KALRN: variants seen among roughly 807,000 people sequenced by gnomAD.
KALRN encodes the protein kalirin.
A neutral mutation model predicts 353.7 loss-of-function variants in KALRN; 70 were observed. That is an observed-to-expected ratio of 0.20 (90% CI 0.16 to 0.24). The LOEUF (loss-of-function observed/expected upper bound fraction) is 0.24, where lower values mean the gene tolerates loss of function less well. Ranked by LOEUF, KALRN falls within the 10% of genes least tolerant of loss-of-function variation. KALRN has a pLI of 1.00. For synonymous variants in KALRN, 1,391 were observed against 1,434.8 expected (o/e 0.97, Z 0.69); for missense variants, 2,791 against 3,756.7 (o/e 0.74, Z 6.72).
chr3:124,619,485 T>C (rs1163537927), intron 34 of KALRN, among the ~76,000 whole-genome samples: 74 of 75,046 alleles, frequency 9.9e-4, no homozygotes, highest in Admixed American at 3.6e-3. Context: ...TTTCCTTCTT[T>C]TTTTTTTTTT....
chr3:124,587,894 T>C (rs1304120793), intron 34 of KALRN, among the ~76,000 whole-genome samples: 1 of 134,726 alleles, frequency 7.4e-6, no homozygotes, highest in East Asian at 2.0e-4. Context: ...AAGGTCTCAC[T>C]ATGTTGCCAG....
At chr3:124,236,849 G>C (rs935594288) in intron 3 of KALRN, among the ~76,000 whole-genome samples, 1 of 152,212 alleles carries the variant, frequency 6.6e-6, no homozygotes, top group South Asian at 2.1e-4. Context: ...TGCTTCTCAG[G>C]GGGTGGTCAC....
chr3:124,661,111 C>T, intron 44 of KALRN, 138 bp downstream of exon 44: 1 of 687,452 alleles, frequency 1.5e-6, no homozygotes, highest in Non-Finnish European at 2.6e-6. Context: ...TTGTAAACAG[C>T]TTTGTACCTG....
intron 21 of KALRN, among the ~76,000 whole-genome samples, chr3:124,451,450 A>T (rs145710459): frequency 3.9e-5 from 6 of 152,318 alleles, no homozygotes; most frequent in Non-Finnish European, 5.9e-5. Context: ...TTCCAGGCCC[A>T]GATGAATTAT....
chr3:124,598,112 A>G (rs944972185), intron 34 of KALRN, among the ~76,000 whole-genome samples: 2 of 152,224 alleles, frequency 1.3e-5, no homozygotes, highest in Non-Finnish European at 2.9e-5. Context: ...TTGATTCCAC[A>G]GAAATCTGTC....
At chr3:124,277,226 A>C (rs2074836746) in intron 5 of KALRN, among the ~76,000 whole-genome samples, 1 of 152,192 alleles carries the variant, frequency 6.6e-6, no homozygotes, top group South Asian at 2.1e-4. Flanking sequence ...GGAGGCTTCA[A>C]AGAGCTGTGA....
At chr3:124,575,111 T>C (rs2073960220) in intron 34 of KALRN, among the ~76,000 whole-genome samples, 1 of 152,246 alleles carries the variant, frequency 6.6e-6, no homozygotes, top group Non-Finnish European at 1.5e-5. Context: ...CTCTGCCCTA[T>C]GGGCAGTTAC....
intron 38 of KALRN, among the ~76,000 whole-genome samples, chr3:124,655,045 C>A (rs1346733921): frequency 2.0e-5 from 3 of 152,242 alleles, no homozygotes; most frequent in African/African-American, 7.2e-5. Context: ...GTTTTCCAGG[C>A]CAGTTACCAT....
intron 11 of KALRN, among the ~76,000 whole-genome samples, chr3:124,385,645 G>A (rs948564976): frequency 6.6e-6 from 1 of 152,156 alleles, no homozygotes; most frequent in Non-Finnish European, 1.5e-5. Context: ...AAGGAAGCTG[G>A]CTGGGCTTGA....
chr3:124,658,588 AC>A, intron 42 of KALRN, 71 bp downstream of exon 42: 1 of 1,127,698 alleles, frequency 8.9e-7, no homozygotes, highest in Non-Finnish European at 1.4e-6. Flanking sequence ...TTTCAGAAAT[AC>A]CAGACGTCAT....
At position 124,726,056 on chromosome 3, in the gene KALRN, T is replaced by G. The variant is rs999037237; in HGVS notation, c.*6586T>G. The G allele has an allele frequency of 6.6e-6, 1 of 152,394 alleles. No homozygotes were observed. Among genetic ancestry groups the G allele is most frequent in the African/African-American group, 2.4e-5 (1 of 41,598 alleles). The allele number at this position is 152,394 out of a possible 1,614,324, so 9.4% of individuals were successfully genotyped here. A position where few individuals can be genotyped will look rare whatever the true frequency, so the allele number is the denominator to read the frequency against. Reference sequence around the variant, plus strand: ...TAATTATTTCAGTGTCTTGCTGGTCTGCCTTAAGTGTATCTTCTGGGTTTT... The same window carrying G: ...TAATTATTTCAGTGTCTTGCTGGTCGGCCTTAAGTGTATCTTCTGGGTTTT... On this transcript the variant is annotated 3_prime_UTR_variant, in exon 60 of 60. Transcript: ENST00000682506.
intron 57 of KALRN, 139 bp downstream of exon 57, chr3:124,702,255 C>A (rs1455668699): frequency 2.0e-6 from 1 of 512,764 alleles, no homozygotes; most frequent in African/African-American, 1.9e-5. Flanking sequence ...CTAAAATATT[C>A]GTTTGTATTT....
At chr3:124,363,115 A>C (rs2084246401) in intron 10 of KALRN, among the ~76,000 whole-genome samples, 1 of 152,190 alleles carries the variant, frequency 6.6e-6, no homozygotes, top group African/African-American at 2.4e-5. Flanking sequence ...ATAAATTTTA[A>C]AAAAATTATA....
intron 1 of KALRN, among the ~76,000 whole-genome samples, chr3:124,199,109 T>C (rs2075716560): frequency 6.6e-6 from 1 of 152,262 alleles, no homozygotes; most frequent in Non-Finnish European, 1.5e-5. Context: ...GCTGCCTGTT[T>C]CACTGCTGAA....
chr3:124,309,275 A>G (rs2078013891), intron 6 of KALRN, among the ~76,000 whole-genome samples: 1 of 151,934 alleles, frequency 6.6e-6, no homozygotes, highest in African/African-American at 2.4e-5. Flanking sequence ...ATGAGGGAAC[A>G]TGTCCCAGCT....
intron 1 of KALRN, among the ~76,000 whole-genome samples, chr3:124,216,992 C>T (rs1015791638): frequency 2.0e-5 from 3 of 152,218 alleles, no homozygotes; most frequent in Non-Finnish European, 4.4e-5. Context: ...ATAATGATCC[C>T]ATAATCCATT....
chr3:124,467,093 C>T (rs556470919), intron 25 of KALRN, among the ~76,000 whole-genome samples: 3 of 152,328 alleles, frequency 2.0e-5, no homozygotes, highest in Middle Eastern at 3.4e-3. Context: ...TTGGCCTTGG[C>T]CACCAGCCAC....
chr3:124,694,903 G>A (rs1435766784), intron 53 of KALRN, among the ~76,000 whole-genome samples: 1 of 152,126 alleles, frequency 6.6e-6, no homozygotes, highest in African/African-American at 2.4e-5. Context: ...AGTTTTTACA[G>A]TCACTGCCTT....
chr3:124,468,930 G>A (rs535015410), intron 25 of KALRN, among the ~76,000 whole-genome samples: 4 of 152,298 alleles, frequency 2.6e-5, no homozygotes, highest in Non-Finnish European at 4.4e-5. Flanking sequence ...GATTATAGAC[G>A]TTAGGGAATA....
Sources: allele counts gnomAD v4.1 joint callset (sites outside exome capture counted in the v4.1 genomes callset), GRCh38; gene constraint gnomAD v4.1.1; transcripts MANE v1.5; gene names NCBI Gene and HGNC (gene_info 2026-07-23, HGNC 2026-07-21).